BDP1: variants seen among roughly 807,000 people sequenced by gnomAD.
The protein encoded by BDP1 is transcription factor TFIIIB component B'' homolog.
BDP1 carries 169 observed loss-of-function variants against 266.6 expected under a neutral mutation model. The observed-to-expected ratio is 0.63, with a 90% CI of 0.56 to 0.72. BDP1 has a LOEUF of 0.72. Ranked by LOEUF, BDP1 falls within the 30% of genes least tolerant of loss-of-function variation. The pLI, the probability that BDP1 is intolerant of heterozygous loss-of-function variation, is 0.00. For missense variants in BDP1, 3,015 were observed against 3,053.8 expected (o/e 0.99, Z 0.30); for synonymous variants, 1,090 against 1,022.4 (o/e 1.07, Z -1.26).
At chr5:71,479,296 C>T (rs1431648331) in intron 7 of BDP1, among the ~76,000 whole-genome samples, 2 of 152,086 alleles carry the variant, frequency 1.3e-5, no homozygotes, top group African/African-American at 4.8e-5. Flanking sequence ...CTGCCTCAGC[C>T]TCCCAAAGTG....
chr5:71,506,355 G>A lies in BDP1; in HGVS notation c.2372+1604G>A, dbSNP rs371688723. The stretch of plus-strand genomic sequence containing the variant: ...TCCTCAAAAGCAATTCTAAGATTCT[G>A]TGTTTTATCAAATTATACACCTATG... On this transcript the variant is annotated intron_variant, in intron 16 of 38. Coordinates refer to ENST00000358731, the MANE Select transcript of BDP1 (RefSeq NM_018429.3). Among the ~76,000 whole-genome samples, 15 of 152,262 alleles carry A rather than the reference G, an allele frequency of 9.9e-5. No individual in the cohort carries two copies. In the South Asian group the frequency reaches 2.9e-3, roughly 29 times the overall value.
At chr5:71,541,720 C>G in intron 29 of BDP1, 38 bp downstream of exon 29, 1 of 1,276,930 alleles carries the variant, frequency 7.8e-7, no homozygotes, top group Non-Finnish European at 1.1e-6. Flanking sequence ...ATTACTAAAA[C>G]CACCATCAAA....
intron 12 of BDP1, 98 bp downstream of exon 12, chr5:71,495,506 A>G (rs915957803): frequency 3.4e-5 from 24 of 704,112 alleles, no homozygotes; most frequent in Admixed American, 9.1e-5. Context: ...GGGATTATTA[A>G]TACATACTTT....
rs745321193 is a variant in BDP1 at position 71,515,120 on chromosome 5, G to C, written c.4647G>C (p.Val1549=). ...AGAAAAATGACTCAGTTGTTTCTGT[G>C]GGGTAAACAGTGATTTTCTTTGACA... ...PVQKNDSVVS[V]GTNNVNTFQQ... is the part of the protein sequence containing the mutation. The change falls in exon 20 of 39, where the codon GTG becomes GTC. Residue 1549 remains valine (V), a splice_region_variant and synonymous_variant. Transcript: ENST00000358731. 1 of 1,572,934 alleles carries C rather than the reference G, an allele frequency of 6.4e-7. No homozygotes were observed. The highest frequency in any genetic ancestry group is 1.2e-5 in the South Asian group (1 of 83,722).
At chr5:71,570,047 T>A (rs115571611), downstream of BDP1, among the ~76,000 whole-genome samples, 1 of 152,180 alleles carries the variant, frequency 6.6e-6, no homozygotes, top group Non-Finnish European at 1.5e-5. Context: ...TTAAGGAAAC[T>A]GTGTGATGAT....
chr5:71,553,413 T>A, intron 35 of BDP1, 93 bp downstream of exon 35: 1 of 814,552 alleles, frequency 1.2e-6, no homozygotes, highest in Non-Finnish European at 1.9e-6. Flanking sequence ...TTATTCTCTT[T>A]AAACTTTTAG....
intron 25 of BDP1, among the ~76,000 whole-genome samples, chr5:71,527,822 T>G (rs1024807942): frequency 2.1e-5 from 3 of 145,740 alleles, no homozygotes; most frequent in African/African-American, 7.6e-5. Flanking sequence ...TTTTAATTCT[T>G]TTTTTTTTTT....
Position 71,510,866 on chromosome 5 carries a change from A to G in BDP1, c.3774A>G (p.Gly1258=). The change falls in exon 17 of 39, where the codon GGA becomes GGG. Residue 1258 remains glycine (G), a synonymous_variant. Coordinates refer to ENST00000358731, the MANE Select transcript of BDP1 (RefSeq NM_018429.3). ...AGGAGATTGATTTGAAAGAAACTGG[A>G]AAAAGAGACATTCCCATCATGGAGA... is the stretch of plus-strand genomic sequence containing the variant. ...REKEIDLKET[G]KRDIPIMEKV... is the part of the protein sequence containing the mutation. 1 of 1,613,620 alleles carries G rather than the reference A, an allele frequency of 6.2e-7. No individual in the cohort carries two copies. The highest frequency in any genetic ancestry group is 8.5e-7 in the Non-Finnish European group (1 of 1,179,704).
In BDP1 at chr5:71,517,503, A is replaced by G. The variant is rs757754086; in HGVS notation, c.4991+51A>G. On this transcript the variant is annotated intron_variant, in intron 22 of 38. Transcript: ENST00000358731. Reference sequence around the variant, plus strand: ...ATAAGACTTTTCAAAGATAAAAGTTATATTTTTGCATAGTTGACTTTATAT... The same window carrying G: ...ATAAGACTTTTCAAAGATAAAAGTTGTATTTTTGCATAGTTGACTTTATAT... 16 of 1,458,394 alleles carry G rather than the reference A, an allele frequency of 1.1e-5. No homozygotes were observed. In the African/African-American group the frequency reaches 1.4e-4, roughly 13 times the overall value. The allele number at this position is 1,458,394 out of a possible 1,614,324, so 90.3% of individuals were successfully genotyped here.
chr5:71,533,902 G>A lies in BDP1; in HGVS notation c.5892+1475G>A, dbSNP rs775175940. On this transcript the variant is annotated intron_variant, in intron 26 of 38. Coordinates refer to ENST00000358731, the MANE Select transcript of BDP1 (RefSeq NM_018429.3). ...CATTTGTATATCATCTTTGAGAAAT[G>A]TCTATTCAAATCTTTTGTCTGTTTT... Among the ~76,000 whole-genome samples, 80 of 152,124 alleles carry A rather than the reference G, an allele frequency of 5.3e-4. 4 individuals are homozygous for A. Among genetic ancestry groups the A allele is most frequent in the Non-Finnish European group, 1.3e-4 (9 of 68,004 alleles).
At chr5:71,459,394 C>G (rs1171310952) in intron 2 of BDP1, among the ~76,000 whole-genome samples, 2 of 152,132 alleles carry the variant, frequency 1.3e-5, no homozygotes, top group Non-Finnish European at 2.9e-5. Context: ...CATCTGTAAT[C>G]CCAACTACTG....
chr5:71,483,921 A>G lies in BDP1; in HGVS notation c.1069+25A>G, dbSNP rs369727615. 2.1e-5 allele frequency: 33 copies of G among 1,566,386 alleles called. No individual in the cohort carries two copies. The African/African-American group carries it at 3.1e-4, about 15-fold the overall frequency. Reference sequence around the variant, plus strand: ...CGTAAGTATTAAGACCTCTTTTACAAAGTATTACTTGAAGAGCCTAAAAAA... The same window carrying G: ...CGTAAGTATTAAGACCTCTTTTACAGAGTATTACTTGAAGAGCCTAAAAAA... On this transcript the variant is annotated intron_variant, in intron 8 of 38. Transcript: ENST00000358731.
chr5:71,506,758 T>TTATATATATA (rs67179518), intron 16 of BDP1, among the ~76,000 whole-genome samples: 35 of 135,856 alleles, frequency 2.6e-4, no homozygotes, highest in African/African-American at 6.4e-4. Context: ...GTTTGGAGGT[T>TTATATATATA]TATATATATA....
intron 25 of BDP1, among the ~76,000 whole-genome samples, chr5:71,527,570 T>G (rs1765968261): frequency 6.6e-6 from 1 of 152,232 alleles, no homozygotes; most frequent in Non-Finnish European, 1.5e-5. Flanking sequence ...TCACAGTTCA[T>G]CTATGTTGTA....
chr5:71,569,771 G>A (rs467563), downstream of BDP1, among the ~76,000 whole-genome samples: 2 of 151,764 alleles, frequency 1.3e-5, no homozygotes, highest in Admixed American at 6.6e-5. Flanking sequence ...ACACACACTC[G>A]CAGTGCCTGG....
At chr5:71,544,268 A>G in intron 30 of BDP1, 89 bp from the exon 31 acceptor site, 3 of 1,229,236 alleles carry the variant, frequency 2.4e-6, no homozygotes, top group East Asian at 2.3e-5. Context: ...CTATATAGGA[A>G]TCTTCCTTTT....
chr5:71,540,910 C>T (rs548065620), intron 28 of BDP1, among the ~76,000 whole-genome samples: 34 of 152,180 alleles, frequency 2.2e-4, no homozygotes, highest in African/African-American at 8.2e-4. Context: ...TGCACTCCAG[C>T]CTGGGTGACA....
At chr5:71,456,915 G>A (rs902720144) in intron 1 of BDP1, among the ~76,000 whole-genome samples, 1 of 152,186 alleles carries the variant, frequency 6.6e-6, no homozygotes, top group African/African-American at 2.4e-5. Context: ...TACAAATTCT[G>A]TTTATGCTGT....
At chr5:71,459,176 C>T (rs1009948453) in intron 2 of BDP1, among the ~76,000 whole-genome samples, 3 of 152,168 alleles carry the variant, frequency 2.0e-5, no homozygotes, top group Non-Finnish European at 4.4e-5. Flanking sequence ...TGATTTTTCA[C>T]ATAAAGATGT....
Sources: gnomAD v4.1 joint callset for allele counts (sites outside exome capture counted in the v4.1 genomes callset) on GRCh38, gnomAD v4.1.1 for gene constraint, MANE v1.5 for transcripts, NCBI Gene and HGNC (gene_info 2026-07-23, HGNC 2026-07-21) for gene names.